Variants in YY1 observed in about 807,000 individuals in gnomAD.
YY1 encodes YY1 transcription factor.
A neutral mutation model predicts 35.6 loss-of-function variants in YY1; 2 were observed. The observed-to-expected ratio is 0.06, with a 90% CI of 0.02 to 0.18. The LOEUF (loss-of-function observed/expected upper bound fraction) is 0.18, where lower values mean the gene tolerates loss of function less well. Ranked by LOEUF, YY1 falls within the 10% of genes least tolerant of loss-of-function variation. YY1 has a pLI of 1.00. For missense variants in YY1, 322 were observed against 573.4 expected, an observed-to-expected ratio of 0.56 and a Z score of 4.48; for synonymous variants, 268 against 238.9, an observed-to-expected ratio of 1.12 and a Z score of -1.12.
intron 1 of YY1, among the ~76,000 whole-genome samples, chr14:100,254,665 C>T (rs534276254): frequency 3.3e-5 from 5 of 152,196 alleles, no homozygotes; most frequent in South Asian, 2.1e-4. Flanking sequence ...CCATGTTGGC[C>T]GGGCTGGTCT....
intron 1 of YY1, among the ~76,000 whole-genome samples, chr14:100,245,911 G>A (rs1227375078): frequency 6.6e-6 from 1 of 152,152 alleles, no homozygotes; most frequent in Non-Finnish European, 1.5e-5. Context: ...CCAGCCAGGA[G>A]TAACTGTTTT....
At position 100,277,149 on chromosome 14, in the gene YY1, T is replaced by A; in HGVS notation, c.1063-269T>A. The A allele has an allele frequency of 3.7e-6, 2 of 545,804 alleles. No homozygotes were observed. Among genetic ancestry groups the A allele is most frequent in the South Asian group, 4.2e-5 (2 of 47,070 alleles). The allele number at this position is 545,804 out of a possible 1,614,324, so 33.8% of individuals were successfully genotyped here. A position where few individuals can be genotyped will look rare whatever the true frequency, so the allele number is the denominator to read the frequency against. ...TTTGTATTTTACTGTTGGAAATGTT[T>A]ACAGCAGCACTAGGACTCTAGCCTG... On this transcript the variant is annotated intron_variant, in intron 4 of 4. Transcript: ENST00000262238. This position sits in a 1 kb window ranked among gnomAD's most constrained non-coding sequence, Gnocchi z 5.6.
At chr14:100,269,006 C>G (rs764596828) in intron 2 of YY1, among the ~76,000 whole-genome samples, 3 of 152,228 alleles carry the variant, frequency 2.0e-5, no homozygotes, top group Non-Finnish European at 4.4e-5. Context: ...CAACGTTCTT[C>G]CCACATATGC....
At chr14:100,274,345 TTGTC>T (rs1300869471) in intron 2 of YY1, among the ~76,000 whole-genome samples, 3 of 152,172 alleles carry the variant, frequency 2.0e-5, no homozygotes, top group East Asian at 1.9e-4. Flanking sequence ...ATTCATCTGA[TTGTC>T]TGAGTTGATT....
intron 3 of YY1, among the ~76,000 whole-genome samples, chr14:100,275,531 C>T (rs1312584185): frequency 6.6e-6 from 1 of 152,154 alleles, no homozygotes; most frequent in Non-Finnish European, 1.5e-5. Context: ...CTGGAAGTGC[C>T]TATGCCATCC....
At chr14:100,240,882 C>G (rs1890728654) in intron 1 of YY1, among the ~76,000 whole-genome samples, 1 of 151,730 alleles carries the variant, frequency 6.6e-6, no homozygotes, top group African/African-American at 2.4e-5. Flanking sequence ...TAAATAAAAT[C>G]GGGTAGTTTA....
At chr14:100,247,736 G>A (rs569815105) in intron 1 of YY1, among the ~76,000 whole-genome samples, 22 of 152,228 alleles carry the variant, frequency 1.4e-4, no homozygotes, top group African/African-American at 2.9e-4. Flanking sequence ...CCATTTCCTC[G>A]TTCTAAGTAT....
Position 100,262,309 on chromosome 14 carries a change from A to G in YY1, c.685A>G (p.Lys229Glu), listed in dbSNP as rs1566776764. The G allele has an allele frequency of 6.2e-7, 1 of 1,613,756 alleles. No individual in the cohort carries two copies. The change falls in exon 2 of 5, where the codon AAA (lysine) becomes GAA (glutamate). Residue 229 changes from lysine to glutamate, a missense_variant. Coordinates refer to ENST00000262238, the MANE Select transcript of YY1 (RefSeq NM_003403.5). ...FSVTMWSSDE[K>E]KDIDHETVVE... is the part of the protein sequence containing the mutation. ...AATCTCATGATGTGTTTCAGATGAA[A>G]AAAAAGATATTGACCATGAGACAGT...
Position 100,281,749 on chromosome 14 carries a change from T to G in YY1, c.*4149T>G, listed in dbSNP as rs1014263391. 6.6e-6 allele frequency: 1 copy of G among 152,170 alleles called. No homozygotes were observed. The highest frequency in any genetic ancestry group is 2.1e-4 in the South Asian group (1 of 4,820). 9.4% of individuals were successfully genotyped at this position (152,170 alleles called of 1,614,324 possible). On this transcript the variant is annotated 3_prime_UTR_variant, in exon 5 of 5. Transcript: ENST00000262238. ...CACCCCAAATTACTGACCCTTGATT[T>G]ATGTTGTTACTGCTCAGGTTATGCT... is the stretch of plus-strand genomic sequence containing the variant.
chr14:100,249,755 T>TTTG (rs1555369509), intron 1 of YY1, among the ~76,000 whole-genome samples: 6 of 79,808 alleles, frequency 7.5e-5, no homozygotes, highest in South Asian at 6.6e-4. Flanking sequence ...ACCGTTTTTT[T>TTTG]TTTTGTTTGT....
At chr14:100,262,176 GGA>G in intron 1 of YY1, 126 bp from the exon 2 acceptor site, 1 of 995,558 alleles carries the variant, frequency 1.0e-6, no homozygotes, top group East Asian at 2.7e-5. Flanking sequence ...AAAAAAAAAG[GGA>G]GAGGGGAGAA....
Position 100,281,379 on chromosome 14 carries a change from G to C in YY1, c.*3779G>C, listed in dbSNP as rs1419900727. ...CATGAGGCTTCCTCCCAGCTGCTCT[G>C]CTGGCTTGCTGAAGCCAGCTCTGAG... On this transcript the variant is annotated 3_prime_UTR_variant, in exon 5 of 5. Coordinates refer to ENST00000262238, the MANE Select transcript of YY1 (RefSeq NM_003403.5). 6.6e-6 allele frequency: 1 copy of C among 152,194 alleles called. No individual in the cohort carries two copies. Among genetic ancestry groups the C allele is most frequent in the Non-Finnish European group, 1.5e-5 (1 of 68,086 alleles). The allele number at this position is 152,194 out of a possible 1,614,324, so 9.4% of individuals were successfully genotyped here. A position where few individuals can be genotyped will look rare whatever the true frequency, so the allele number is the denominator to read the frequency against.
intron 1 of YY1, among the ~76,000 whole-genome samples, chr14:100,257,663 G>C (rs1891023403): frequency 6.6e-6 from 1 of 152,126 alleles, no homozygotes; most frequent in African/African-American, 2.4e-5. Flanking sequence ...CCAGGGAGTA[G>C]GTCCTCACCA....
chr14:100,270,106 C>CA (rs1386553405), intron 2 of YY1, among the ~76,000 whole-genome samples: 3 of 150,664 alleles, frequency 2.0e-5, no homozygotes, highest in Non-Finnish European at 1.5e-5. Context: ...ACTAAAAATA[C>CA]AAAAAAATTA....
intron 3 of YY1, among the ~76,000 whole-genome samples, chr14:100,275,522 T>C (rs1384762148): frequency 6.6e-6 from 1 of 152,250 alleles, no homozygotes; most frequent in Non-Finnish European, 1.5e-5. Flanking sequence ...ACAGTTAGGC[T>C]GGAAGTGCCT....
chr14:100,271,801 C>T (rs1004393136), intron 2 of YY1, among the ~76,000 whole-genome samples: 8 of 152,126 alleles, frequency 5.3e-5, no homozygotes, highest in Middle Eastern at 3.2e-3. Flanking sequence ...TGTGCCACCA[C>T]GCCTGGCTAA....
chr14:100,262,794 G>T (rs1891102719), intron 2 of YY1, among the ~76,000 whole-genome samples: 1 of 152,146 alleles, frequency 6.6e-6, no homozygotes, highest in Admixed American at 6.5e-5. Context: ...GATCCTTGCA[G>T]TAAGATGAAG....
In YY1 at chr14:100,282,378, GC is replaced by G. The variant is rs1008459995; in HGVS notation, c.*4780del. The G allele has an allele frequency of 3.3e-5, 5 of 152,110 alleles. No individual in the cohort carries two copies. The highest frequency in any genetic ancestry group is 9.7e-5 in the African/African-American group (4 of 41,406). The allele number at this position is 152,110 out of a possible 1,614,324, so 9.4% of individuals were successfully genotyped here. On this transcript the variant is annotated 3_prime_UTR_variant, in exon 5 of 5. Coordinates refer to ENST00000262238, the MANE Select transcript of YY1 (RefSeq NM_003403.5). ...GTTCTGTCTGCTGCTCTCTCTGGGGGCCGCACAATGTCCGCACACATCACGG... is the reference window on the plus strand; with the variant it reads ...GTTCTGTCTGCTGCTCTCTCTGGGGGCGCACAATGTCCGCACACATCACGG...
At chr14:100,264,463 C>T (rs1057305827) in intron 2 of YY1, among the ~76,000 whole-genome samples, 1 of 152,162 alleles carries the variant, frequency 6.6e-6, no homozygotes. Context: ...TGAGCCACTG[C>T]ACCCAGCTGG....
Sources: gnomAD v4.1 joint callset for allele counts (sites outside exome capture counted in the v4.1 genomes callset) on GRCh38, gnomAD v4.1.1 for gene constraint, Gnocchi (gnomAD v3.1) non-coding constraint, MANE v1.5 for transcripts, NCBI Gene and HGNC (gene_info 2026-07-23, HGNC 2026-07-21) for gene names.